The following CSF2RB variants were observed in gnomAD, a reference collection of about 807,000 sequenced individuals.
The protein encoded by CSF2RB is cytokine receptor common subunit beta.
A neutral mutation model predicts 67.2 loss-of-function variants in CSF2RB; 22 were observed. The ratio of observed to expected loss-of-function variants is 0.33; its 90% CI spans 0.23 to 0.47. The LOEUF is 0.47. Ranked by LOEUF, CSF2RB falls within the 20% of genes least tolerant of loss-of-function variation. The pLI is 1.00. For synonymous variants in CSF2RB, 507 were observed against 482.9 expected (o/e 1.05, Z -0.65); for missense variants, 1,113 against 1,174.5 (o/e 0.95, Z 0.76).
intron 4 of CSF2RB, among the ~76,000 whole-genome samples, chr22:36,926,616 C>G (rs1241923878): frequency 1.3e-5 from 2 of 152,174 alleles, no homozygotes; most frequent in African/African-American, 4.8e-5. Flanking sequence ...GTCAGCCTTC[C>G]CGGGGGCTTC....
At chr22:36,921,871 C>T (rs1395519761) in intron 1 of CSF2RB, among the ~76,000 whole-genome samples, 165 bp from the exon 2 acceptor site, 1 of 152,190 alleles carries the variant, frequency 6.6e-6, no homozygotes, top group African/African-American at 2.4e-5. Flanking sequence ...AAGTGGGGAC[C>T]CAGTCCCTCA....
At chr22:36,926,878 C>T (rs993241877) in intron 4 of CSF2RB, among the ~76,000 whole-genome samples, 6 of 152,210 alleles carry the variant, frequency 3.9e-5, no homozygotes, top group Non-Finnish European at 5.9e-5. Context: ...TGAAAGTTTT[C>T]GTTGACGTGG....
In CSF2RB at chr22:36,937,423, A is replaced by C; in HGVS notation, c.1615A>C (p.Ile539Leu). 6.2e-7 allele frequency: 1 copy of C among 1,613,896 alleles called. No individual in the cohort carries two copies. The highest frequency in any genetic ancestry group is 8.5e-7 in the Non-Finnish European group (1 of 1,179,946). Residue 539 changes from isoleucine (I) to leucine (L), a missense_variant, in exon 14 of 14, where the codon ATA (isoleucine) becomes CTA (leucine). Physicochemically the swap from Ile to Leu is conservative, Grantham distance 5 (BLOSUM62 2). Coordinates refer to ENST00000403662, the MANE Select transcript of CSF2RB (RefSeq NM_000395.3). The surrounding 1 kb of genome is among the most constrained non-coding windows in gnomAD (Gnocchi z 4.6). Reference protein sequence around the residue: ...FGDSEVSPLTIEDPKHVCDPP... With the variant: ...FGDSEVSPLTLEDPKHVCDPP... The stretch of plus-strand genomic sequence containing the variant: ...GGACAGCGAGGTGTCACCTCTCACC[A>C]TAGAGGACCCCAAGCATGTCTGTGA...
chr22:36,923,648 C>A, intron 3 of CSF2RB: 2 of 1,375,404 alleles, frequency 1.5e-6, no homozygotes, highest in East Asian at 3.2e-5. Context: ...TGTTTCATCA[C>A]AATTTAACAC....
intron 4 of CSF2RB, 48 bp from the exon 5 acceptor site, chr22:36,929,353 GC>G (rs774857861): frequency 1.2e-6 from 2 of 1,613,428 alleles, no homozygotes; most frequent in South Asian, 2.2e-5. Context: ...GGCCCTGACT[GC>G]CCCCCAGCGG....
At position 36,930,709 on chromosome 22, in the gene CSF2RB, C is replaced by T. The variant is rs764516861; in HGVS notation, c.891C>T (p.Leu297=). Residue 297 remains leucine (L), a synonymous_variant, in exon 8 of 14, where the codon CTC becomes CTT. Coordinates refer to ENST00000403662, the MANE Select transcript of CSF2RB (RefSeq NM_000395.3). ...EECSPVLREG[L]GSLHTRHHCQ... ...GCTCCCCAGTGCTGAGGGAGGGGCT[C>T]GGCAGCCTCCACACCAGGCACCACT... 2.2e-5 allele frequency: 36 copies of T among 1,613,006 alleles called. No individual in the cohort carries two copies. The highest frequency in any genetic ancestry group is 5.3e-5 in the African/African-American group (4 of 74,886).
chr22:36,922,102 C>G lies in CSF2RB; in HGVS notation c.-106C>G, dbSNP rs1940886820. ...CCTGTGAAATGGGTCTGGCCTGGCT[C>G]CCAGCTGGGCAGGAACACAGGACTT... is the stretch of plus-strand genomic sequence containing the variant. On this transcript the variant is annotated 5_prime_UTR_variant, in exon 2 of 14. Transcript: ENST00000403662. 9.1e-7 allele frequency: 1 copy of G among 1,095,208 alleles called. No homozygotes were observed. The highest frequency in any genetic ancestry group is 2.0e-5 in the Admixed American group (1 of 50,058). The allele number at this position is 1,095,208 out of a possible 1,614,324, so 67.8% of individuals were successfully genotyped here. A position where few individuals can be genotyped will look rare whatever the true frequency, so the allele number is the denominator to read the frequency against.
chr22:36,923,328 A>G lies in CSF2RB; in HGVS notation c.161A>G (p.Gln54Arg), dbSNP rs1379293138. ...AGGTGGGCAGACACCCAGGATGCCC[A>G]GCGGCTCGTCAACGTGACCCTCATT... is the stretch of plus-strand genomic sequence containing the variant. Reference protein sequence around the residue: ...TCRWADTQDAQRLVNVTLIRR... With the variant: ...TCRWADTQDARRLVNVTLIRR... The change falls in exon 3 of 14, where the codon CAG becomes CGG. Residue 54 changes from glutamine (Q) to arginine (R), a missense_variant. By Grantham distance (43) the Gln-to-Arg change is conservative (BLOSUM62 1). This residue lies in a region of CSF2RB where 559 missense variants were observed against 656.5 expected (regional missense o/e 0.85). Transcript: ENST00000403662. 1.2e-6 allele frequency: 2 copies of G among 1,614,162 alleles called. No individual in the cohort carries two copies. The highest frequency in any genetic ancestry group is 1.7e-6 in the Non-Finnish European group (2 of 1,180,004).
chr22:36,922,575 C>A (rs1940903505), intron 2 of CSF2RB: 3 of 551,106 alleles, frequency 5.4e-6, no homozygotes, highest in South Asian at 4.2e-5. Flanking sequence ...CGTTTCCCTG[C>A]CCCTCCTTCC....
chr22:36,938,547 T>C lies in CSF2RB; in HGVS notation c.*45T>C. The C allele has an allele frequency of 2.6e-6, 4 of 1,566,260 alleles. No individual in the cohort carries two copies. Among genetic ancestry groups the C allele is most frequent in the Non-Finnish European group, 3.5e-6 (4 of 1,154,140 alleles). ...GCAAGGGGATGGAGAGGGCTTGCCT[T>C]CCCTCCCGCCTGACCTTCCTCAGTC... On this transcript the variant is annotated 3_prime_UTR_variant, in exon 14 of 14. Coordinates refer to ENST00000403662, the MANE Select transcript of CSF2RB (RefSeq NM_000395.3).
At chr22:36,933,798 C>A (rs537498055) in intron 9 of CSF2RB, 34 bp from the exon 10 acceptor site, 132 of 1,588,530 alleles carry the variant, frequency 8.3e-5, no homozygotes, top group Non-Finnish European at 1.1e-4. Context: ...CCACGGGCAC[C>A]GGGCCAGGCC....
chr22:36,934,927 G>A (rs1293368887), intron 10 of CSF2RB, among the ~76,000 whole-genome samples: 1 of 152,090 alleles, frequency 6.6e-6, no homozygotes, highest in East Asian at 1.9e-4. Flanking sequence ...TGGGATCAGG[G>A]GCCTCTGGAG....
At chr22:36,923,923 G>C (rs1444127197) in intron 3 of CSF2RB, 4 of 503,422 alleles carry the variant, frequency 7.9e-6, no homozygotes, top group Non-Finnish European at 1.3e-5. Flanking sequence ...CCGTATGTGG[G>C]CTGCCACCTC....
rs1371506276 is a variant in CSF2RB at position 36,937,353 on chromosome 22, C to T, written c.1569-24C>T. 6.2e-7 allele frequency: 1 copy of T among 1,611,376 alleles called. No individual in the cohort carries two copies. The highest frequency in any genetic ancestry group is 2.2e-5 in the East Asian group (1 of 44,872). ...TCATCTGCCCAGGGTGGTCCCAACT[C>T]TTCTGCCCATTTTCTTCCCACAGGG... is the stretch of plus-strand genomic sequence containing the variant. On this transcript the variant is annotated intron_variant, in intron 13 of 13. Transcript: ENST00000403662. The surrounding 1 kb of genome is among the most constrained non-coding windows in gnomAD (Gnocchi z 4.6).
Position 36,939,407 on chromosome 22 carries a change from A to C in CSF2RB, c.*905A>C. On this transcript the variant is annotated 3_prime_UTR_variant, in exon 14 of 14. Transcript: ENST00000403662. ...ATATGCTTTAGGGCCTTTGGTCCAA[A>C]TGGCCCGGGTGGCCACTCTTCCAGA... 1.8e-5 allele frequency: 11 copies of C among 601,290 alleles called. No homozygotes were observed. The highest frequency in any genetic ancestry group is 2.9e-5 in the East Asian group (1 of 34,822). 37.2% of individuals were successfully genotyped at this position (601,290 alleles called of 1,614,324 possible). A position where few individuals can be genotyped will look rare whatever the true frequency, so the allele number is the denominator to read the frequency against.
intron 1 of CSF2RB, among the ~76,000 whole-genome samples, chr22:36,918,868 C>T (rs1490701671): frequency 1.3e-5 from 2 of 152,200 alleles, no homozygotes; most frequent in Admixed American, 6.5e-5. Flanking sequence ...TCACATATGG[C>T]TTCCATCCTC....
intron 4 of CSF2RB, among the ~76,000 whole-genome samples, chr22:36,928,133 G>C (rs1158944723): frequency 6.6e-6 from 1 of 152,192 alleles, no homozygotes; most frequent in Non-Finnish European, 1.5e-5. Flanking sequence ...AATCAAGGAT[G>C]CTGGGAGGTA....
intron 9 of CSF2RB, 140 bp from the exon 10 acceptor site, chr22:36,933,691 AC>A (rs1941207595): frequency 8.6e-7 from 1 of 1,157,510 alleles, no homozygotes; most frequent in Admixed American, 2.0e-5. Flanking sequence ...GGGAGGATCC[AC>A]GGTGGTGAGA....
intron 1 of CSF2RB, among the ~76,000 whole-genome samples, chr22:36,916,583 C>T (rs891468979): frequency 6.6e-6 from 1 of 152,174 alleles, no homozygotes; most frequent in Non-Finnish European, 1.5e-5. Flanking sequence ...CAAGGCCAGG[C>T]ACAGTGGCTC....
Sources: allele counts gnomAD v4.1 joint callset (sites outside exome capture counted in the v4.1 genomes callset), GRCh38; gene constraint gnomAD v4.1.1; regional missense constraint gnomAD v4.1.1; non-coding constraint Gnocchi (gnomAD v3.1); transcripts MANE v1.5; gene names NCBI Gene and HGNC (gene_info 2026-07-23, HGNC 2026-07-21).